The following MYBBP1A variants were observed in gnomAD, a reference collection of about 807,000 sequenced individuals.
MYBBP1A encodes the protein myb-binding protein 1A.
Under a neutral mutation model 136.3 loss-of-function variants are expected in MYBBP1A, and 147 were observed. The ratio of observed to expected loss-of-function variants is 1.08; its 90% CI spans 0.94 to 1.24. The LOEUF (loss-of-function observed/expected upper bound fraction) is 1.24, where lower values mean the gene tolerates loss of function less well. MYBBP1A is among the 50% of genes most tolerant of loss of function. The pLI, the probability that MYBBP1A is intolerant of heterozygous loss-of-function variation, is 0.00. For synonymous variants in MYBBP1A, 947 were observed against 735.8 expected (o/e 1.29, Z -4.65); for missense variants, 2,060 against 1,727.4 (o/e 1.19, Z -3.41).
Position 4,548,237 on chromosome 17 carries a change from G to A in MYBBP1A, c.1630C>T (p.His544Tyr). Residue 544 changes from histidine (H) to tyrosine (Y), a missense_variant, in exon 12 of 26, where the codon CAC becomes TAC. Physicochemically the swap from His to Tyr is moderately conservative, Grantham distance 83. Transcript: ENST00000254718. This position sits in a 1 kb window ranked among gnomAD's most constrained non-coding sequence, Gnocchi z 4.2. ...AGGAGGTCTGCGAACTGCACCAGGT[G>A]GTAGGTCCAGGGCTGCCCACCCTGG... ...QTQGGQPWTY[H>Y]LVQFADLLLN... 6.2e-7 allele frequency: 1 copy of A among 1,611,636 alleles called. No homozygotes were observed. The highest frequency in any genetic ancestry group is 8.5e-7 in the Non-Finnish European group (1 of 1,180,026).
Position 4,540,457 on chromosome 17 carries a change from G to T in MYBBP1A, c.3325C>A (p.Leu1109Met). The change falls in exon 25 of 26, where the codon CTG becomes ATG. Residue 1109 changes from leucine (L) to methionine (M), a missense_variant. Coordinates refer to ENST00000254718, the MANE Select transcript of MYBBP1A (RefSeq NM_014520.4). ...EKLTLDLTVL[L>M]GVLQGQQQSL... is the part of the protein sequence containing the mutation. ...TGCTGTTGCCCCTGCAGCACACCCA[G>T]GAGCACCGTCAGGTCCAAGGTCAGC... 4.3e-6 allele frequency: 7 copies of T among 1,610,612 alleles called. No individual in the cohort carries two copies. The highest frequency in any genetic ancestry group is 5.9e-6 in the Non-Finnish European group (7 of 1,179,506).
rs144444789 is a variant in MYBBP1A, at chr17:4,549,354, C to A, written c.1408G>T (p.Ala470Ser). ...VDSLHLEMEE[A>S]LTEQVARFCL... ...CACCTGGCCACCTGCTCAGTCAAGGCCTCCTCCATCTCCAGGTGCAGGCTG... is the reference window on the plus strand; with the variant it reads ...CACCTGGCCACCTGCTCAGTCAAGGACTCCTCCATCTCCAGGTGCAGGCTG... Residue 470 changes from alanine (A) to serine (S), a missense_variant, in exon 10 of 26, where the codon GCC becomes TCC. Transcript: ENST00000254718. The A allele has an allele frequency of 1.2e-6, 2 of 1,612,362 alleles. No homozygotes were observed. The highest frequency in any genetic ancestry group is 2.7e-5 in the African/African-American group (2 of 74,930).
At chr17:4,542,858 T>C in intron 20 of MYBBP1A, 55 bp downstream of exon 20, 2 of 1,606,806 alleles carry the variant, frequency 1.2e-6, no homozygotes, top group East Asian at 4.5e-5. Context: ...AGTCCCGGCC[T>C]CCACTCCCTG....
chr17:4,548,039 C>T lies in MYBBP1A; in HGVS notation c.1743G>A (p.Lys581=). The stretch of plus-strand genomic sequence containing the variant: ...CCTCTGCGGAGTGGGCCTCCAGCTC[C>T]TTCAGAGTCTGCAGCATCCTGCGGG... The part of the protein sequence containing the change: ...QAWDRMLQTL[K]ELEAHSAEAR... The change falls in exon 13 of 26, where the codon AAG becomes AAA. Residue 581 remains lysine, a synonymous_variant. Transcript: ENST00000254718. The surrounding 1 kb of genome is among the most constrained non-coding windows in gnomAD (Gnocchi z 4.2). 6.4e-7 allele frequency: 1 copy of T among 1,565,650 alleles called. No individual in the cohort carries two copies. The highest frequency in any genetic ancestry group is 8.6e-7 in the Non-Finnish European group (1 of 1,156,190).
Position 4,542,975 on chromosome 17 carries a change from G to A in MYBBP1A, c.2830C>T (p.His944Tyr), listed in dbSNP as rs772040831. ...LKGNTAEGCV[H>Y]ETQEKQKAGT... ...GCTTTCTGCTTCTCCTGTGTCTCAT[G>A]CACGCAGCCCTCAGCAGTGTTGCCC... Residue 944 changes from histidine to tyrosine, a missense_variant, in exon 20 of 26, where the codon CAT becomes TAT. Transcript: ENST00000254718. The A allele has an allele frequency of 6.0e-5, 97 of 1,613,972 alleles. No homozygotes were observed. In the East Asian group the frequency reaches 2.1e-3, roughly 36 times the overall value.
At chr17:4,540,906 C>T (rs111427682) in intron 24 of MYBBP1A, among the ~76,000 whole-genome samples, 3,177 of 151,366 alleles carry the variant, frequency 0.021, 104 homozygotes, top group African/African-American at 0.072. Flanking sequence ...GGCTTCCTCA[C>T]TATCAGCCAG....
intron 24 of MYBBP1A, 70 bp downstream of exon 24, chr17:4,541,393 T>C: frequency 3.7e-6 from 5 of 1,368,342 alleles, no homozygotes; most frequent in Non-Finnish European, 5.2e-6. Flanking sequence ...GGCATGGCAC[T>C]GCTGGCCGGG....
At position 4,540,454 on chromosome 17, in the gene MYBBP1A, C is replaced by T. The variant is rs1347385974; in HGVS notation, c.3328G>A (p.Gly1110Ser). ...CTCTGCTGTTGCCCCTGCAGCACAC[C>T]CAGGAGCACCGTCAGGTCCAAGGTC... ...KLTLDLTVLL[G>S]VLQGQQQSLQ... The change falls in exon 25 of 26, where the codon GGT becomes AGT. Residue 1110 changes from glycine to serine, a missense_variant. By Grantham distance (56) the Gly-to-Ser change is moderately conservative. Transcript: ENST00000254718. 1 of 1,610,650 alleles carries T rather than the reference C, an allele frequency of 6.2e-7. No individual in the cohort carries two copies. Among genetic ancestry groups the T allele is most frequent in the Admixed American group, 1.7e-5 (1 of 59,922 alleles).
At position 4,548,627 on chromosome 17, in the gene MYBBP1A, A is replaced by G. The variant is rs755184047; in HGVS notation, c.1453T>C (p.Phe485Leu). The G allele has an allele frequency of 1.2e-6, 2 of 1,614,190 alleles. No individual in the cohort carries two copies. The highest frequency in any genetic ancestry group is 1.7e-6 in the Non-Finnish European group (2 of 1,180,038). The change falls in exon 11 of 26, where the codon TTT becomes CTT. Residue 485 changes from phenylalanine to leucine, a missense_variant. By Grantham distance (22) the Phe-to-Leu change is conservative. Coordinates refer to ENST00000254718, the MANE Select transcript of MYBBP1A (RefSeq NM_014520.4). This position sits in a 1 kb window ranked among gnomAD's most constrained non-coding sequence, Gnocchi z 4.2. ...TGGGATGTGGGCTTCTTTGTGACAAAGAACGAGTGGAACAAACAAAACCTG... is the reference window on the plus strand; with the variant it reads ...TGGGATGTGGGCTTCTTTGTGACAAGGAACGAGTGGAACAAACAAAACCTG... ...VARFCLFHSF[F>L]VTKKPTSQIP... is the part of the protein sequence containing the mutation.
chr17:4,541,525 G>A lies in MYBBP1A; in HGVS notation c.3235C>T (p.His1079Tyr). Residue 1079 changes from histidine to tyrosine, a missense_variant, in exon 24 of 26, where the codon CAT becomes TAT. Coordinates refer to ENST00000254718, the MANE Select transcript of MYBBP1A (RefSeq NM_014520.4). ...TCCAGGGAGGACAGTGCCTGCTGAT[G>A]CTGCGCCTTGGTCTGCGCCTCCCCC... ...VLGEAQTKAQHQQALSSLELL... is the reference protein window; with the variant it reads ...VLGEAQTKAQYQQALSSLELL... 1 of 1,613,458 alleles carries A rather than the reference G, an allele frequency of 6.2e-7. No individual in the cohort carries two copies. Among genetic ancestry groups the A allele is most frequent in the East Asian group, 2.2e-5 (1 of 44,888 alleles).
At position 4,548,940 on chromosome 17, in the gene MYBBP1A, A is replaced by G. The variant is rs566791075; in HGVS notation, c.1431-291T>C. Among the ~76,000 whole-genome samples, 104 of 152,370 alleles carry G rather than the reference A, an allele frequency of 6.8e-4. No individual in the cohort carries two copies. Among genetic ancestry groups the G allele is most frequent in the African/African-American group, 2.1e-3 (89 of 41,586 alleles). On this transcript the variant is annotated intron_variant, in intron 10 of 25. Transcript: ENST00000254718. The surrounding 1 kb of genome is among the most constrained non-coding windows in gnomAD (Gnocchi z 4.2). ...CCAACAGATGGGAGGCTGTGTGGTC[A>G]TGGCCAAGTCAGGTCACTGCTCCTG...
chr17:4,545,961 A>G lies in MYBBP1A; in HGVS notation c.1825-19T>C, dbSNP rs767769049. On this transcript the variant is annotated intron_variant, in intron 13 of 25. Coordinates refer to ENST00000254718, the MANE Select transcript of MYBBP1A (RefSeq NM_014520.4). Reference sequence around the variant, plus strand: ...CAGGGGACTGCGGGCAGGGTAGGACACACACTGGGGCCAGGCCCTGTCCCC... The same window carrying G: ...CAGGGGACTGCGGGCAGGGTAGGACGCACACTGGGGCCAGGCCCTGTCCCC... 1.9e-6 allele frequency: 3 copies of G among 1,608,584 alleles called. No homozygotes were observed. In the South Asian group the frequency reaches 3.3e-5, roughly 18 times the overall value.
intron 25 of MYBBP1A, 67 bp downstream of exon 25, chr17:4,540,281 T>TGTGTGCAGCAGCGTGAGG (rs1451178908): frequency 1.3e-6 from 2 of 1,525,172 alleles, no homozygotes; most frequent in Admixed American, 1.9e-5. Flanking sequence ...AGCGTGTGTG[T>TGTGTGCAGCAGCGTGAGG]GTGTGCAGCA....
Position 4,540,386 on chromosome 17 carries a change from G to T in MYBBP1A, c.3396C>A (p.His1132Gln). Residue 1132 changes from histidine to glutamine, a missense_variant, in exon 25 of 26, where the codon CAC becomes CAA. Coordinates refer to ENST00000254718, the MANE Select transcript of MYBBP1A (RefSeq NM_014520.4). ...GAHSTGSSRL[H>Q]DLYWQAMKTL... ...TTTTCATGGCCTGCCAGTAGAGGTCGTGCAGGCGGCTGGAGCCGGTGGAGT... is the reference window on the plus strand; with the variant it reads ...TTTTCATGGCCTGCCAGTAGAGGTCTTGCAGGCGGCTGGAGCCGGTGGAGT... 1 of 1,609,884 alleles carries T rather than the reference G, an allele frequency of 6.2e-7. No individual in the cohort carries two copies. Among genetic ancestry groups the T allele is most frequent in the African/African-American group, 1.3e-5 (1 of 75,030 alleles).
chr17:4,541,336 C>T (rs1906402483), intron 24 of MYBBP1A, 127 bp downstream of exon 24: 2 of 821,314 alleles, frequency 2.4e-6, no homozygotes, highest in Non-Finnish European at 4.0e-6. Flanking sequence ...CTGGCCCAGG[C>T]ACTGAGAAGT....
At chr17:4,547,603 A>C in intron 13 of MYBBP1A, 1 of 230,630 alleles carries the variant, frequency 4.3e-6, no homozygotes. Flanking sequence ...TCTTGATGGG[A>C]AGAACCGAGC....
At position 4,539,388 on chromosome 17, in the gene MYBBP1A, G is replaced by T; in HGVS notation, c.*27C>A. Reference sequence around the variant, plus strand: ...TAGGCGTCTCAGGCAGATGGAGGCAGGGGCTGAGGGGGGCCCGTACCTGTG... The same window carrying T: ...TAGGCGTCTCAGGCAGATGGAGGCATGGGCTGAGGGGGGCCCGTACCTGTG... On this transcript the variant is annotated 3_prime_UTR_variant, in exon 26 of 26. Transcript: ENST00000254718. 6.4e-7 allele frequency: 1 copy of T among 1,551,186 alleles called. No individual in the cohort carries two copies.
Position 4,545,654 on chromosome 17 carries a change from T to A in MYBBP1A, c.2029A>T (p.Ile677Phe). 1.2e-6 allele frequency: 2 copies of A among 1,610,454 alleles called. No homozygotes were observed. The highest frequency in any genetic ancestry group is 2.2e-5 in the South Asian group (2 of 90,880). Residue 677 changes from isoleucine (I) to phenylalanine (F), a missense_variant, in exon 15 of 26, where the codon ATC (isoleucine) becomes TTC (phenylalanine). Transcript: ENST00000254718. ...RQVARSVFGH[I>F]CSHLTPRALQ... Reference sequence around the variant, plus strand: ...GCACGCGGGGTCAGGTGGGAGCAGATGTGGCCAAACACGCTCCGGGCCACC... The same window carrying A: ...GCACGCGGGGTCAGGTGGGAGCAGAAGTGGCCAAACACGCTCCGGGCCACC...
chr17:4,552,503 G>A lies in MYBBP1A; in HGVS notation c.685C>T (p.Leu229Phe), dbSNP rs1295915605. The change falls in exon 6 of 26, where the codon CTC (leucine) becomes TTC (phenylalanine). Residue 229 changes from leucine to phenylalanine, a missense_variant. Leu to Phe is a conservative substitution (Grantham distance 22). Transcript: ENST00000254718. This position sits in a 1 kb window ranked among gnomAD's most constrained non-coding sequence, Gnocchi z 4.7. ...LLAQQKVPSK[L>F]KKLVGSVNLF... ...TTCACGGATCCCACCAGCTTCTTGA[G>A]CTTGGAGGGCACCTTCTGCTGGGCC... The A allele has an allele frequency of 1.2e-6, 2 of 1,613,928 alleles. No individual in the cohort carries two copies. Among genetic ancestry groups the A allele is most frequent in the East Asian group, 2.2e-5 (1 of 44,896 alleles).
Sources: allele counts gnomAD v4.1 joint callset (sites outside exome capture counted in the v4.1 genomes callset), GRCh38; gene constraint gnomAD v4.1.1; non-coding constraint Gnocchi (gnomAD v3.1); transcripts MANE v1.5; gene names NCBI Gene and HGNC (gene_info 2026-07-23, HGNC 2026-07-21).